RPS29: variants seen among roughly 807,000 people sequenced by gnomAD.
RPS29 encodes the protein ribosomal protein S29, also known as small ribosomal subunit protein uS14.
For missense variants in RPS29, 60 were observed against 75.7 expected, an observed-to-expected ratio of 0.79 and a Z score of 0.77; for synonymous variants, 37 against 26.9, an observed-to-expected ratio of 1.37 and a Z score of -1.16.
rs1023234720 is a variant in RPS29, at chr14:49,586,357, G to A, written c.-11C>T. ...CTGCTGGTGACCCATCTTGCTCTCA[G>A]CAGTGCAACGAGGTAAAAGGAAGAA... On this transcript the variant is annotated 5_prime_UTR_variant, in exon 1 of 3. Transcript: ENST00000245458. 3.1e-6 allele frequency: 5 copies of A among 1,613,392 alleles called. No individual in the cohort carries two copies. The highest frequency in any genetic ancestry group is 1.3e-5 in the African/African-American group (1 of 74,908).
chr14:49,571,203 T>A lies in RPS29; in HGVS notation c.*6609A>T, dbSNP rs556247198. 6 of 152,166 alleles carry A rather than the reference T, an allele frequency of 3.9e-5. No individual in the cohort carries two copies. In the East Asian group the frequency reaches 1.2e-3, roughly 29 times the overall value. The allele number at this position is 152,166 out of a possible 1,614,324, so 9.4% of individuals were successfully genotyped here. ...AAACAGGAATAATCCCCAGAAAAGG[T>A]GAAAATTGGTCAAGAAAATGGTACA... On this transcript the variant is annotated 3_prime_UTR_variant, in exon 3 of 3. Transcript: ENST00000396020.
At chr14:49,581,933 G>GAT (rs1180401167), downstream of RPS29, among the ~76,000 whole-genome samples, 4 of 146,516 alleles carry the variant, frequency 2.7e-5, no homozygotes, top group East Asian at 8.1e-4. Context: ...GAAGTGGAAG[G>GAT]ATAGCTTGAG....
chr14:49,583,087 C>T (rs943309580), downstream of RPS29, among the ~76,000 whole-genome samples: 10 of 152,176 alleles, frequency 6.6e-5, no homozygotes, highest in African/African-American at 2.4e-4. Flanking sequence ...AATCCTTCCA[C>T]TCTGACCTCC....
chr14:49,586,480 T>C (rs897022973), upstream of RPS29: 3 of 773,794 alleles, frequency 3.9e-6, no homozygotes, highest in South Asian at 2.9e-5. Context: ...GTTGTTTCGC[T>C]GGGTGAGTAA....
chr14:49,578,485 A>G (rs1373727767), intron 2 of RPS29, among the ~76,000 whole-genome samples: 1 of 151,170 alleles, frequency 6.6e-6, no homozygotes, highest in Non-Finnish European at 1.5e-5. Context: ...TAGCACATAT[A>G]CAATTTTTCA....
chr14:49,574,076 C>G (rs894655905), exon 3 of RPS29: 1 of 152,188 alleles, frequency 6.6e-6, no homozygotes, highest in African/African-American at 2.4e-5. Context: ...GAAACAAAAA[C>G]CTCCTTTGGC....
At chr14:49,583,380 T>C (rs541490583), downstream of RPS29, among the ~76,000 whole-genome samples, 11 of 151,926 alleles carry the variant, frequency 7.2e-5, no homozygotes, top group South Asian at 1.9e-3. Flanking sequence ...GAAACCCCCA[T>C]CTCTACTAAA....
At chr14:49,583,530 T>G (rs1340589826), downstream of RPS29, 2 of 887,646 alleles carry the variant, frequency 2.3e-6, no homozygotes, top group Non-Finnish European at 3.3e-6. Context: ...AAGATTTCTA[T>G]AAACAATTAG....
upstream of RPS29, among the ~76,000 whole-genome samples, chr14:49,588,314 T>G (rs548291839): frequency 8.5e-5 from 13 of 152,386 alleles, no homozygotes; most frequent in South Asian, 2.7e-3. Flanking sequence ...TAAGTAATTC[T>G]TAATACTTAT....
At chr14:49,594,635 G>T (rs1230667809) in intron 1 of RPS29, among the ~76,000 whole-genome samples, 1 of 152,196 alleles carries the variant, frequency 6.6e-6, no homozygotes, top group East Asian at 1.9e-4. Flanking sequence ...AAGGCAAAAA[G>T]GAAAGGGCTC....
chr14:49,592,531 C>A (rs1427569366), intron 1 of RPS29, among the ~76,000 whole-genome samples: 1 of 151,680 alleles, frequency 6.6e-6, no homozygotes, highest in Admixed American at 6.6e-5. Flanking sequence ...CCACCCCCAG[C>A]TAATTTTGTA....
intron 1 of RPS29, chr14:49,598,224 G>T (rs866013091): frequency 1.7e-6 from 1 of 576,048 alleles, no homozygotes; most frequent in South Asian, 2.2e-5. Context: ...GCAAGACCAC[G>T]ACCCCGACCG....
chr14:49,594,102 T>C (rs139370825), intron 1 of RPS29, among the ~76,000 whole-genome samples: 31 of 152,330 alleles, frequency 2.0e-4, no homozygotes, highest in African/African-American at 7.5e-4. Flanking sequence ...GCTCTAAAAC[T>C]TGAGGATTCT....
chr14:49,596,075 G>A (rs1438649502), intron 1 of RPS29, among the ~76,000 whole-genome samples: 1 of 152,110 alleles, frequency 6.6e-6, no homozygotes, highest in Non-Finnish European at 1.5e-5. Context: ...CCTAGTATGT[G>A]CCAGAAAGCC....
chr14:49,598,063 T>A (rs1007596598), intron 1 of RPS29: 17 of 267,438 alleles, frequency 6.4e-5, no homozygotes, highest in Non-Finnish European at 1.2e-4. Flanking sequence ...TGAGAATAAA[T>A]CACATTTTGT....
upstream of RPS29, among the ~76,000 whole-genome samples, chr14:49,591,012 T>C (rs557512092): frequency 6.6e-6 from 1 of 152,168 alleles, no homozygotes; most frequent in Non-Finnish European, 1.5e-5. Context: ...TTATTAATAA[T>C]TATTAACCCT....
At position 49,586,127 on chromosome 14, in the gene RPS29, C is replaced by T. The variant is rs546741318; in HGVS notation, c.63-78G>A. ...CACTCAGACGGCTACTACCCGCATC[C>T]CGGGACTCCCAAGCCACAGTACAGG... On this transcript the variant is annotated intron_variant, in intron 1 of 2. Transcript: ENST00000245458. 2,143 of 1,438,784 alleles carry T rather than the reference C, an allele frequency of 1.5e-3. 7 individuals carry two copies. The highest frequency in any genetic ancestry group is 1.6e-3 in the Non-Finnish European group (1,618 of 1,021,664). 89.1% of individuals were successfully genotyped at this position (1,438,784 alleles called of 1,614,324 possible). A position where few individuals can be genotyped will look rare whatever the true frequency, so the allele number is the denominator to read the frequency against.
Position 49,577,666 on chromosome 14 carries a change from C to T in RPS29, c.*146G>A. The T allele has an allele frequency of 6.7e-6, 5 of 748,854 alleles. No homozygotes were observed. In the South Asian group the frequency reaches 7.6e-5, roughly 11 times the overall value. The allele number at this position is 748,854 out of a possible 1,614,324, so 46.4% of individuals were successfully genotyped here. A position where few individuals can be genotyped will look rare whatever the true frequency, so the allele number is the denominator to read the frequency against. ...TCTGGCCCTCAAACCTTCTATGAAC[C>T]CTGTTGTTAATACCTCTGTGTTTCC... On this transcript the variant is annotated 3_prime_UTR_variant, in exon 3 of 3. Coordinates refer to the RPS29 transcript ENST00000396020.
chr14:49,580,570 CAT>C (rs758171037), downstream of RPS29, among the ~76,000 whole-genome samples: 64 of 152,298 alleles, frequency 4.2e-4, no homozygotes, highest in South Asian at 2.1e-3. Context: ...TGTTCAATCA[CAT>C]GTTTTCAAAA....
Sources: gnomAD v4.1 joint callset for allele counts (sites outside exome capture counted in the v4.1 genomes callset) on GRCh38, gnomAD v4.1.1 for gene constraint, MANE v1.5 for transcripts, NCBI Gene and HGNC (gene_info 2026-07-23, HGNC 2026-07-21) for gene names.